Variants in DOCK5 observed in about 807,000 individuals in gnomAD.
The protein encoded by DOCK5 is dedicator of cytokinesis 5.
DOCK5 carries 142 observed loss-of-function variants against 251.8 expected under a neutral mutation model. The ratio of observed to expected loss-of-function variants is 0.56; its 90% confidence interval spans 0.49 to 0.65. The LOEUF (loss-of-function observed/expected upper bound fraction) is 0.65. Ranked by LOEUF, DOCK5 falls within the 30% of genes least tolerant of loss-of-function variation. The probability of loss-of-function intolerance (pLI) is 0.00; values close to 1 mark genes in which losing one functional copy is unlikely to be tolerated. For synonymous variants in DOCK5, 842 were observed against 835.5 expected, an observed-to-expected ratio of 1.01 and a Z score of -0.13; for missense variants, 2,111 against 2,312.3, an observed-to-expected ratio of 0.91 and a Z score of 1.79.
chr8:25,283,968 C>A (rs6557833), intron 5 of DOCK5, among the ~76,000 whole-genome samples: 26,408 of 152,068 alleles, frequency 0.17, 2,669 homozygotes, highest in African/African-American at 0.26. Context: ...TGGTGACGTA[C>A]CAAGACCTTG....
intron 1 of DOCK5, among the ~76,000 whole-genome samples, chr8:25,219,595 A>G (rs1338411757): frequency 1.3e-5 from 2 of 152,194 alleles, no homozygotes; most frequent in Non-Finnish European, 2.9e-5. Flanking sequence ...AATGTCTGAA[A>G]ATATCTCTAT....
intron 19 of DOCK5, 24 bp from the exon 20 acceptor site, chr8:25,332,579 C>T (rs370692153): frequency 2.8e-4 from 449 of 1,577,530 alleles, no homozygotes; most frequent in Non-Finnish European, 3.6e-4. Context: ...ATCAAAATAA[C>T]CTCTCCGTTT....
intron 25 of DOCK5, 44 bp from the exon 26 acceptor site, chr8:25,345,431 A>C: frequency 1.9e-6 from 3 of 1,607,002 alleles, no homozygotes; most frequent in Non-Finnish European, 1.7e-6. Context: ...GCAGTTCAGG[A>C]GGTGGCACTG....
intron 3 of DOCK5, among the ~76,000 whole-genome samples, chr8:25,269,670 G>A (rs1435060995): frequency 6.6e-6 from 1 of 151,232 alleles, no homozygotes; most frequent in Non-Finnish European, 1.5e-5. Flanking sequence ...GTTTCTTTTA[G>A]GTCTTGTCAG....
At chr8:25,237,186 G>A (rs1586253161) in intron 1 of DOCK5, among the ~76,000 whole-genome samples, 1 of 151,996 alleles carries the variant, frequency 6.6e-6, no homozygotes, top group East Asian at 1.9e-4. Flanking sequence ...GTCCAACATG[G>A]TGAAACTTTG....
chr8:25,405,365 A>G (rs532194194), intron 48 of DOCK5, among the ~76,000 whole-genome samples: 3 of 152,182 alleles, frequency 2.0e-5, no homozygotes, highest in South Asian at 4.1e-4. Flanking sequence ...GTATGGAGCC[A>G]ACATTTTTAT....
chr8:25,313,984 G>A (rs73560446), intron 13 of DOCK5, among the ~76,000 whole-genome samples: 5,944 of 152,086 alleles, frequency 0.039, 168 homozygotes, highest in African/African-American at 0.077. Flanking sequence ...TCTCCCTAGG[G>A]GTATCATCCA....
intron 4 of DOCK5, among the ~76,000 whole-genome samples, chr8:25,275,883 TCTC>T (rs1412220772): frequency 5.3e-5 from 8 of 152,212 alleles, no homozygotes; most frequent in African/African-American, 1.9e-4. Flanking sequence ...CAGTTCTACT[TCTC>T]CTATGAGAGA....
intron 49 of DOCK5, 145 bp from the exon 50 acceptor site, chr8:25,408,657 G>A (rs1801565489): frequency 7.0e-6 from 6 of 852,786 alleles, no homozygotes; most frequent in Non-Finnish European, 9.2e-6. Flanking sequence ...GTTCGGTGTT[G>A]CCCATCATAT....
chr8:25,319,661 G>T lies in DOCK5; in HGVS notation c.1527G>T (p.Trp509Cys). 1 of 1,583,050 alleles carries T rather than the reference G, an allele frequency of 6.3e-7. No individual in the cohort carries two copies. Among genetic ancestry groups the T allele is most frequent in the South Asian group, 1.2e-5 (1 of 86,116 alleles). ...VVYYQVKQPC[W>C]YETVKVSIAI... ...ATTACCAAGTCAAGCAGCCCTGTTG[G>T]TATGAGACTGTCAAGGTGAGAATGA... Residue 509 changes from tryptophan to cysteine, a missense_variant, in exon 15 of 52, where the codon TGG becomes TGT. This residue lies in a region of DOCK5 where 1,717 missense variants were observed against 1,892.4 expected (regional missense o/e 0.91). Coordinates refer to ENST00000276440, the MANE Select transcript of DOCK5 (RefSeq NM_024940.8).
chr8:25,201,771 T>A (rs1021092152), intron 1 of DOCK5, among the ~76,000 whole-genome samples: 1 of 152,148 alleles, frequency 6.6e-6, no homozygotes, highest in African/African-American at 2.4e-5. Context: ...CCTGGTACAG[T>A]GGGCAGTACG....
At chr8:25,341,016 C>A (rs1465366239) in intron 23 of DOCK5, 28 bp downstream of exon 23, 1 of 1,557,156 alleles carries the variant, frequency 6.4e-7, no homozygotes, top group Non-Finnish European at 8.8e-7. Flanking sequence ...ATGGGTAACT[C>A]TTCTTAGGCT....
chr8:25,337,679 A>G (rs1805850568), intron 22 of DOCK5, among the ~76,000 whole-genome samples: 1 of 150,118 alleles, frequency 6.7e-6, no homozygotes, highest in Non-Finnish European at 1.5e-5. Context: ...TCCACCTTAC[A>G]GGTTCAAGCG....
chr8:25,300,144 G>A (rs921826169), intron 8 of DOCK5, among the ~76,000 whole-genome samples: 6 of 152,164 alleles, frequency 3.9e-5, no homozygotes, highest in Admixed American at 3.3e-4. Flanking sequence ...GACCTCAGGC[G>A]ATCCGCCCGC....
At position 25,403,664 on chromosome 8, in the gene DOCK5, C is replaced by T. The variant is rs1159430928; in HGVS notation, c.5033C>T (p.Ser1678Phe). Reference protein sequence around the residue: ...RRLSITSVTSSVVSTSSNSSD... With the variant: ...RRLSITSVTSFVVSTSSNSSD... ...TTGTCCATCACCTCAGTCACTTCCT[C>T]TGTGGTTTCCACCTCTTCAAACTCG... Residue 1678 changes from serine to phenylalanine, a missense_variant, in exon 48 of 52, where the codon TCT (serine) becomes TTT (phenylalanine). This residue lies in a region of DOCK5 where 1,717 missense variants were observed against 1,892.4 expected (regional missense o/e 0.91). Coordinates refer to ENST00000276440, the MANE Select transcript of DOCK5 (RefSeq NM_024940.8). The T allele has an allele frequency of 6.2e-7, 1 of 1,613,886 alleles. No individual in the cohort carries two copies. The highest frequency in any genetic ancestry group is 1.3e-5 in the African/African-American group (1 of 74,922).
chr8:25,354,418 C>A (rs1035423439), intron 27 of DOCK5, among the ~76,000 whole-genome samples: 1 of 152,110 alleles, frequency 6.6e-6, no homozygotes, highest in South Asian at 2.1e-4. Context: ...TCCTGAGCTC[C>A]TTTTAGGAAT....
At chr8:25,187,364 T>TG (rs1801461665) in intron 1 of DOCK5, among the ~76,000 whole-genome samples, 6 of 136,550 alleles carry the variant, frequency 4.4e-5, no homozygotes, top group Admixed American at 1.5e-4. Context: ...TGGGTGGAAA[T>TG]TGTGTGTGTG....
chr8:25,408,733 TG>T, intron 49 of DOCK5, 68 bp from the exon 50 acceptor site: 1 of 1,576,038 alleles, frequency 6.3e-7, no homozygotes, highest in Non-Finnish European at 8.7e-7. Context: ...AAGACAAGGC[TG>T]TTGAGAGCAT....
At chr8:25,226,938 A>G (rs1362331265) in intron 1 of DOCK5, among the ~76,000 whole-genome samples, 1 of 152,128 alleles carries the variant, frequency 6.6e-6, no homozygotes, top group Admixed American at 6.6e-5. Context: ...GCAAATATAG[A>G]TCTGACTCAC....
Sources: allele counts gnomAD v4.1 joint callset (sites outside exome capture counted in the v4.1 genomes callset), GRCh38; gene constraint gnomAD v4.1.1; regional missense constraint gnomAD v4.1.1; transcripts MANE v1.5; gene names NCBI Gene and HGNC (gene_info 2026-07-23, HGNC 2026-07-21).